Variants in YES1 observed in about 807,000 individuals in gnomAD.
YES1 encodes the protein YES proto-oncogene 1, Src family tyrosine kinase.
YES1 carries 39 observed loss-of-function variants against 70.4 expected under a neutral mutation model. The observed-to-expected ratio is 0.55, with a 90% CI of 0.43 to 0.72. The LOEUF (loss-of-function observed/expected upper bound fraction) is 0.72. Ranked by LOEUF, YES1 falls within the 30% of genes least tolerant of loss-of-function variation. The probability of loss-of-function intolerance (pLI) is 0.00; values close to 1 mark genes in which losing one functional copy is unlikely to be tolerated. For missense variants in YES1, 495 were observed against 644.8 expected, an observed-to-expected ratio of 0.77 and a Z score of 2.52; for synonymous variants, 198 against 218.6, an observed-to-expected ratio of 0.91 and a Z score of 0.83.
intron 1 of YES1, among the ~76,000 whole-genome samples, chr18:783,093 TTATA>T (rs1905756590): frequency 6.6e-6 from 1 of 152,088 alleles, no homozygotes; most frequent in African/African-American, 2.4e-5. Context: ...TTTTTAAAAA[TTATA>T]TAGCCACTAG....
intron 1 of YES1, among the ~76,000 whole-genome samples, chr18:811,872 G>A (rs1249571374): frequency 6.6e-6 from 1 of 152,150 alleles, no homozygotes; most frequent in Non-Finnish European, 1.5e-5. Context: ...GGACTTGGGC[G>A]GGACCCGGCA....
At chr18:748,069 A>C in intron 3 of YES1, 51 bp from the exon 4 acceptor site, 1 of 1,489,106 alleles carries the variant, frequency 6.7e-7, no homozygotes, top group South Asian at 1.1e-5. Context: ...TGCCCAAGGT[A>C]CAATATATTG....
upstream of YES1, chr18:812,327 G>GCCCCCCCCCCCCCCCGCC (rs10617278): frequency 6.9e-6 from 1 of 145,058 alleles, no homozygotes; most frequent in African/African-American, 2.5e-5. Flanking sequence ...CACCTCCTCC[G>GCCCCCCCCCCCCCCCGCC]CCCCCCCCCC....
intron 1 of YES1, among the ~76,000 whole-genome samples, chr18:777,352 C>G (rs1247948036): frequency 2.0e-5 from 3 of 152,170 alleles, no homozygotes; most frequent in Non-Finnish European, 2.9e-5. Context: ...TAATTCTATT[C>G]AACAACCTGC....
chr18:783,006 T>C (rs762507547), intron 1 of YES1, among the ~76,000 whole-genome samples: 8 of 152,174 alleles, frequency 5.3e-5, no homozygotes, highest in Non-Finnish European at 1.0e-4. Flanking sequence ...CTGATCTCAA[T>C]AGCTAATGCT....
At chr18:733,807 A>AT (rs2080119747) in intron 10 of YES1, among the ~76,000 whole-genome samples, 1 of 145,496 alleles carries the variant, frequency 6.9e-6, no homozygotes, top group Non-Finnish European at 1.5e-5. Flanking sequence ...AAAAAAAAAA[A>AT]AAAGCATGGC....
At chr18:800,036 T>C (rs1432630772) in intron 1 of YES1, among the ~76,000 whole-genome samples, 3 of 152,254 alleles carry the variant, frequency 2.0e-5, no homozygotes, top group African/African-American at 7.2e-5. Flanking sequence ...ATTTACAAGC[T>C]ATTAAACTGC....
intron 1 of YES1, among the ~76,000 whole-genome samples, chr18:798,703 C>T (rs1906666410): frequency 4.6e-5 from 7 of 152,118 alleles, no homozygotes; most frequent in Admixed American, 4.6e-4. Flanking sequence ...TCCACCAGTG[C>T]GCTTCCTAAC....
chr18:807,121 T>G (rs528029856), intron 1 of YES1, among the ~76,000 whole-genome samples: 1 of 152,096 alleles, frequency 6.6e-6, no homozygotes, highest in East Asian at 1.9e-4. Context: ...AATTCAAAAA[T>G]TAGCCAGGCA....
At chr18:755,101 T>C (rs2080388119) in intron 2 of YES1, among the ~76,000 whole-genome samples, 1 of 152,240 alleles carries the variant, frequency 6.6e-6, no homozygotes, top group African/African-American at 2.4e-5. Flanking sequence ...AGTAAACTTT[T>C]GCTAAAGACT....
intron 4 of YES1, among the ~76,000 whole-genome samples, chr18:747,370 G>T (rs866236352): frequency 6.6e-6 from 1 of 152,290 alleles, no homozygotes; most frequent in Middle Eastern, 3.4e-3. Context: ...TTGGGAGGCT[G>T]AGGCAGGAGA....
chr18:738,309 A>G (rs375041374), intron 9 of YES1: 74 of 152,320 alleles, frequency 4.9e-4, no homozygotes, highest in African/African-American at 1.7e-3. Flanking sequence ...TTTTCACTAT[A>G]TATTTAAAAC....
Position 745,996 on chromosome 18 carries a change from C to A in YES1, c.526G>T (p.Gly176Ter). The A allele has an allele frequency of 6.2e-7, 1 of 1,612,996 alleles. No homozygotes were observed. The highest frequency in any genetic ancestry group is 8.5e-7 in the Non-Finnish European group (1 of 1,179,608). Residue 176 changes from glycine (G) to a stop codon, truncating the protein, a stop_gained, in exon 5 of 12, where the codon GGA becomes TGA. Coordinates refer to ENST00000314574, the MANE Select transcript of YES1 (RefSeq NM_005433.4). LOFTEE classifies it high-confidence loss of function. ...ACTAAGAAAATACCTCGTTGATTTC[C>A]AGGATTCAAAAGTAATCTTTCAGCA... ...KDAERLLLNP[G>*]NQRGIFLVRE... is the part of the protein sequence containing the mutation.
At chr18:795,912 A>AACAC (rs72204539) in intron 1 of YES1, among the ~76,000 whole-genome samples, 1,517 of 144,682 alleles carry the variant, frequency 0.01, 17 homozygotes, top group African/African-American at 0.031. Flanking sequence ...CCAGAACTTA[A>AACAC]ACACACACAC....
At chr18:779,793 T>C (rs1421807350) in intron 1 of YES1, among the ~76,000 whole-genome samples, 1 of 152,230 alleles carries the variant, frequency 6.6e-6, no homozygotes, top group Non-Finnish European at 1.5e-5. Context: ...TAGATACCAC[T>C]TTCAAGCCCT....
chr18:751,589 G>T, intron 3 of YES1, 116 bp downstream of exon 3: 1 of 679,702 alleles, frequency 1.5e-6, no homozygotes, highest in Non-Finnish European at 2.6e-6. Context: ...GTTAAACACA[G>T]TGGGCAGCCC....
At chr18:732,994 T>C (rs753540118) in intron 10 of YES1, 29 bp from the exon 11 acceptor site, 5 of 1,613,112 alleles carry the variant, frequency 3.1e-6, no homozygotes, top group Non-Finnish European at 4.2e-6. Context: ...TCTTGCTTAA[T>C]TGTTTTTTAA....
chr18:792,657 C>G (rs1906327971), intron 1 of YES1, among the ~76,000 whole-genome samples: 2 of 151,334 alleles, frequency 1.3e-5, no homozygotes, highest in South Asian at 4.2e-4. Flanking sequence ...GAAGGAGGAG[C>G]AGCAGGAGCA....
chr18:787,947 A>C (rs1906049156), intron 1 of YES1: 1 of 152,208 alleles, frequency 6.6e-6, no homozygotes, highest in Non-Finnish European at 1.5e-5. Context: ...GGAGTTCAAC[A>C]ACTGCTTTAG....
Sources: gnomAD v4.1 joint callset for allele counts (sites outside exome capture counted in the v4.1 genomes callset) on GRCh38, gnomAD v4.1.1 for gene constraint, MANE v1.5 for transcripts, NCBI Gene and HGNC (gene_info 2026-07-23, HGNC 2026-07-21) for gene names.